PDE10A: variants seen among roughly 807,000 people sequenced by gnomAD.
PDE10A encodes the protein cAMP and cAMP-inhibited cGMP 3',5'-cyclic phosphodiesterase 10A.
Under a neutral mutation model 97.7 loss-of-function variants are expected in PDE10A, and 39 were observed. That is an observed-to-expected ratio of 0.40 (90% confidence interval 0.31 to 0.52). PDE10A has a LOEUF of 0.52. Ranked by LOEUF, PDE10A falls within the 20% of genes least tolerant of loss-of-function variation. The pLI is 0.56. For synonymous variants in PDE10A, 371 were observed against 376.8 expected, an observed-to-expected ratio of 0.98 and a Z score of 0.18; for missense variants, 731 against 1,047.8, an observed-to-expected ratio of 0.70 and a Z score of 4.17.
chr6:165,706,146 C>A (rs1791703971), intron 1 of PDE10A, among the ~76,000 whole-genome samples: 1 of 152,192 alleles, frequency 6.6e-6, no homozygotes, highest in Non-Finnish European at 1.5e-5. Flanking sequence ...GAGTGCTTGG[C>A]TTTGCAGTGC....
intron 1 of PDE10A, among the ~76,000 whole-genome samples, chr6:165,614,064 T>C (rs1256934690): frequency 2.0e-5 from 3 of 152,170 alleles, no homozygotes; most frequent in African/African-American, 4.8e-5. Flanking sequence ...TTGTGCTAAT[T>C]ATGCGGCTCA....
chr6:165,854,426 G>T (rs982199068), intron 1 of PDE10A, among the ~76,000 whole-genome samples: 2 of 152,192 alleles, frequency 1.3e-5, no homozygotes, highest in African/African-American at 4.8e-5. Flanking sequence ...TTGCTGCTGT[G>T]AGCCGCAAGA....
chr6:165,402,216 T>C (rs1583202652), intron 13 of PDE10A, among the ~76,000 whole-genome samples: 2 of 152,136 alleles, frequency 1.3e-5, no homozygotes, highest in East Asian at 1.9e-4. Flanking sequence ...AAATTTTATT[T>C]CTATTATTTT....
chr6:165,418,560 AGGCAC>A lies in PDE10A; in HGVS notation c.1796+70_1796+74del. 1 of 1,358,700 alleles carries A rather than the reference AGGCAC, an allele frequency of 7.4e-7. No homozygotes were observed. The highest frequency in any genetic ancestry group is 1.0e-6 in the Non-Finnish European group (1 of 968,280). 84.2% of individuals were successfully genotyped at this position (1,358,700 alleles called of 1,614,324 possible). Reference sequence around the variant, plus strand: ...AAGTATTGTCAGCATACCTGTGAATAGGCACAGAAAAATGGGTAACGGAACGCCTG... The same window carrying A: ...AAGTATTGTCAGCATACCTGTGAATAAGAAAAATGGGTAACGGAACGCCTG... On this transcript the variant is annotated intron_variant, in intron 11 of 21. Transcript: ENST00000539869. The surrounding 1 kb of genome is among the most constrained non-coding windows in gnomAD (Gnocchi z 4.8).
intron 10 of PDE10A, among the ~76,000 whole-genome samples, chr6:165,420,593 T>C (rs1033565656): frequency 1.3e-5 from 2 of 152,226 alleles, no homozygotes; most frequent in Non-Finnish European, 2.9e-5. Flanking sequence ...GTATCTGCAG[T>C]GTTTGAGGTA....
chr6:165,650,310 C>T (rs1285038428), intron 1 of PDE10A, among the ~76,000 whole-genome samples: 19 of 152,218 alleles, frequency 1.2e-4, no homozygotes, highest in African/African-American at 3.6e-4. Flanking sequence ...ATGTATAAAA[C>T]GGGGTAACAC....
At chr6:165,734,013 C>T (rs1261330577) in intron 1 of PDE10A, among the ~76,000 whole-genome samples, 1 of 152,076 alleles carries the variant, frequency 6.6e-6, no homozygotes, top group African/African-American at 2.4e-5. Context: ...TGTGTGTGCA[C>T]GATGGGGACA....
intron 1 of PDE10A, among the ~76,000 whole-genome samples, chr6:165,952,656 G>T (rs530941325): frequency 6.6e-6 from 1 of 152,130 alleles, no homozygotes; most frequent in South Asian, 2.1e-4. Context: ...TCAACTCCCC[G>T]CCTGGGCAGA....
intron 1 of PDE10A, among the ~76,000 whole-genome samples, chr6:165,620,964 T>C (rs1167039940): frequency 1.4e-5 from 2 of 147,780 alleles, no homozygotes; most frequent in Admixed American, 1.4e-4. Flanking sequence ...GAGGTTGCGG[T>C]GAGCCGAGAT....
intron 1 of PDE10A, among the ~76,000 whole-genome samples, chr6:165,557,912 T>C (rs1784338165): frequency 6.6e-6 from 1 of 152,190 alleles, no homozygotes; most frequent in Admixed American, 6.6e-5. Context: ...AAACATGAAG[T>C]ATAGCTGACG....
At chr6:165,361,413 T>C (rs1412990745) in intron 18 of PDE10A, among the ~76,000 whole-genome samples, 1 of 152,222 alleles carries the variant, frequency 6.6e-6, no homozygotes, top group East Asian at 1.9e-4. Flanking sequence ...CAAACATTTA[T>C]GGAAATTTAA....
chr6:165,603,361 C>T (rs1203598212), intron 1 of PDE10A, among the ~76,000 whole-genome samples: 3 of 152,210 alleles, frequency 2.0e-5, no homozygotes, highest in Non-Finnish European at 4.4e-5. Context: ...GCCACTGTAA[C>T]ACACATGTTA....
At chr6:165,452,738 T>C (rs1215465814) in intron 3 of PDE10A, among the ~76,000 whole-genome samples, 2 of 152,078 alleles carry the variant, frequency 1.3e-5, no homozygotes, top group Non-Finnish European at 2.9e-5. Flanking sequence ...AACAGAAAAC[T>C]GGTACCAGGA....
intron 1 of PDE10A, chr6:165,894,726 T>G: frequency 2.9e-6 from 1 of 340,438 alleles, no homozygotes; most frequent in Non-Finnish European, 5.8e-6. Flanking sequence ...ACTTAGAAAA[T>G]GCATATAAAT....
At chr6:165,720,096 G>T (rs1055437300) in intron 1 of PDE10A, among the ~76,000 whole-genome samples, 1 of 152,186 alleles carries the variant, frequency 6.6e-6, no homozygotes, top group East Asian at 1.9e-4. Flanking sequence ...AAATAGTGAT[G>T]TATTATCTAG....
intron 1 of PDE10A, among the ~76,000 whole-genome samples, chr6:165,691,242 G>C (rs1360091808): frequency 1.3e-4 from 13 of 101,532 alleles, no homozygotes; most frequent in South Asian, 3.6e-4. Flanking sequence ...CACACACACA[G>C]AGTCAGGCAT....
At chr6:165,833,680 G>C (rs1583165036) in intron 1 of PDE10A, among the ~76,000 whole-genome samples, 2 of 152,350 alleles carry the variant, frequency 1.3e-5, no homozygotes, top group East Asian at 3.9e-4. Flanking sequence ...ACAGCCAGGG[G>C]CAGCAATTCT....
intron 1 of PDE10A, among the ~76,000 whole-genome samples, chr6:165,955,211 G>A (rs761068391): frequency 1.6e-4 from 25 of 152,170 alleles, no homozygotes; most frequent in Admixed American, 1.2e-3. Flanking sequence ...GGTCAAGGTC[G>A]TGCTCGGTGT....
intron 1 of PDE10A, among the ~76,000 whole-genome samples, chr6:165,879,887 G>C (rs1020338431): frequency 6.7e-6 from 1 of 149,846 alleles, no homozygotes; most frequent in East Asian, 2.0e-4. Context: ...CTCCAAATTA[G>C]GTCACATTTA....
Sources: gnomAD v4.1 joint callset for allele counts (sites outside exome capture counted in the v4.1 genomes callset) on GRCh38, gnomAD v4.1.1 for gene constraint, Gnocchi (gnomAD v3.1) non-coding constraint, MANE v1.5 for transcripts, NCBI Gene and HGNC (gene_info 2026-07-23, HGNC 2026-07-21) for gene names.